The following RAPGEF2 variants were observed in gnomAD, a reference collection of about 807,000 sequenced individuals.
RAPGEF2 encodes the protein PDZ domain containing guanine nucleotide exchange factor (GEF) 1.
RAPGEF2 carries 54 observed loss-of-function variants against 186.7 expected under a neutral mutation model. The observed-to-expected ratio is 0.29, with a 90% CI of 0.23 to 0.36. RAPGEF2 has a LOEUF of 0.36. Among genes scored for constraint, RAPGEF2 ranks in the 10% least tolerant of loss-of-function variants. The probability of loss-of-function intolerance (pLI) is 1.00; values close to 1 mark genes in which losing one functional copy is unlikely to be tolerated. For synonymous variants in RAPGEF2, 712 were observed against 705.9 expected, an observed-to-expected ratio of 1.01 and a Z score of -0.14; for missense variants, 1,532 against 2,045.0, an observed-to-expected ratio of 0.75 and a Z score of 4.84.
At chr4:159,306,361 T>C (rs1763303945) in intron 8 of RAPGEF2, among the ~76,000 whole-genome samples, 3 of 152,154 alleles carry the variant, frequency 2.0e-5, no homozygotes, top group Admixed American at 2.0e-4. Flanking sequence ...TGGTCGAATA[T>C]ATTCTAGGTA....
intron 1 of RAPGEF2, among the ~76,000 whole-genome samples, chr4:159,121,167 A>C (rs1194606033): frequency 2.0e-5 from 3 of 151,968 alleles, no homozygotes; most frequent in African/African-American, 4.8e-5. Flanking sequence ...TTTGAAGCTC[A>C]TGCTCAACCT....
chr4:159,186,444 A>G (rs1747565262), intron 1 of RAPGEF2, among the ~76,000 whole-genome samples, 198 bp from the exon 2 acceptor site: 1 of 152,106 alleles, frequency 6.6e-6, no homozygotes, highest in Non-Finnish European at 1.5e-5. Context: ...GGTTTAGTGC[A>G]TATCCCAGAA....
intron 1 of RAPGEF2, among the ~76,000 whole-genome samples, chr4:159,167,872 T>C (rs78723325): frequency 0.01 from 1,598 of 152,336 alleles, 36 homozygotes; most frequent in African/African-American, 0.036. Flanking sequence ...ACCAAAGGAA[T>C]GTACCTGTTT....
chr4:159,337,362 T>G (rs911680718), intron 17 of RAPGEF2, among the ~76,000 whole-genome samples: 16 of 152,232 alleles, frequency 1.1e-4, no homozygotes, highest in Admixed American at 7.2e-4. Flanking sequence ...TAGGACACTT[T>G]GGATTTTTTT....
chr4:159,343,018 C>T lies in RAPGEF2; in HGVS notation c.2958C>T (p.Thr986=). ...CACCAGTGGCAAGACTGCGAACGAC[C>T]TGGGAGAAACTTCCCAATAAATACG... ...NLAPVARLRT[T]WEKLPNKYEK... is the part of the protein sequence containing the mutation. The change falls in exon 21 of 30, where the codon ACC becomes ACT. Residue 986 remains threonine (T), a synonymous_variant. Coordinates refer to ENST00000691494, the MANE Select transcript of RAPGEF2 (RefSeq NM_001394067.2). The T allele has an allele frequency of 6.2e-7, 1 of 1,614,024 alleles. No individual in the cohort carries two copies. The highest frequency in any genetic ancestry group is 8.5e-7 in the Non-Finnish European group (1 of 1,179,958).
intron 1 of RAPGEF2, among the ~76,000 whole-genome samples, chr4:159,162,094 T>C (rs1744772993): frequency 6.6e-6 from 1 of 151,932 alleles, no homozygotes; most frequent in South Asian, 2.1e-4. Flanking sequence ...GTTAAAAATC[T>C]GGAATCTTTG....
Position 159,332,479 on chromosome 4 carries a change from A to G in RAPGEF2, c.1917A>G (p.Ser639=), listed in dbSNP as rs1766824969. Residue 639 remains serine, a synonymous_variant, in exon 17 of 30, where the codon TCA becomes TCG. Coordinates refer to ENST00000691494, the MANE Select transcript of RAPGEF2 (RefSeq NM_001394067.2). The part of the protein sequence containing the change: ...FVFKELLTRL[S]EEKRNGAPHL... ...TTAAAGAACTTCTAACAAGATTGTC[A>G]GAAGAGAAAAGAAATGGTGCCCCCC... 6.2e-7 allele frequency: 1 copy of G among 1,613,464 alleles called. No homozygotes were observed. The highest frequency in any genetic ancestry group is 8.5e-7 in the Non-Finnish European group (1 of 1,179,646).
intron 7 of RAPGEF2, among the ~76,000 whole-genome samples, chr4:159,244,912 A>G (rs976192006): frequency 2.0e-5 from 3 of 151,990 alleles, no homozygotes; most frequent in Non-Finnish European, 4.4e-5. Flanking sequence ...TAAAATTTTA[A>G]GTTCACTAAA....
chr4:159,201,141 T>A (rs1749363840), intron 3 of RAPGEF2, among the ~76,000 whole-genome samples: 1 of 152,204 alleles, frequency 6.6e-6, no homozygotes. Flanking sequence ...CTTTGTGCCA[T>A]TTGACTATAC....
chr4:159,233,793 GAA>G (rs1213670555), intron 4 of RAPGEF2, among the ~76,000 whole-genome samples: 1 of 151,478 alleles, frequency 6.6e-6, no homozygotes, highest in Non-Finnish European at 1.5e-5. Flanking sequence ...TATATATAAG[GAA>G]AAAAAGTCCT....
intron 14 of RAPGEF2, 40 bp from the exon 15 acceptor site, chr4:159,331,590 C>A: frequency 6.2e-7 from 1 of 1,610,722 alleles, no homozygotes; most frequent in South Asian, 1.1e-5. Context: ...TTTATTCAGC[C>A]TGTTCTTGAG....
chr4:159,348,483 G>T (rs1041262898), intron 25 of RAPGEF2, among the ~76,000 whole-genome samples: 2 of 152,086 alleles, frequency 1.3e-5, no homozygotes, highest in Non-Finnish European at 2.9e-5. Flanking sequence ...TATGGGGAGA[G>T]AATAAGAAAA....
chr4:159,152,934 A>T (rs1261466433), intron 1 of RAPGEF2, among the ~76,000 whole-genome samples: 1 of 152,122 alleles, frequency 6.6e-6, no homozygotes, highest in East Asian at 1.9e-4. Flanking sequence ...ATATATTTTA[A>T]AAGTGTTCTT....
chr4:159,218,306 C>T (rs1188829967), intron 4 of RAPGEF2, among the ~76,000 whole-genome samples: 4 of 152,122 alleles, frequency 2.6e-5, no homozygotes, highest in African/African-American at 9.7e-5. Context: ...GGAAAAACTA[C>T]AAATCATGTT....
chr4:159,111,797 T>C (rs928451492), intron 1 of RAPGEF2, among the ~76,000 whole-genome samples: 1 of 152,254 alleles, frequency 6.6e-6, no homozygotes, highest in Non-Finnish European at 1.5e-5. Context: ...TAAATGTAGA[T>C]TCACATACAA....
chr4:159,241,390 T>C, intron 6 of RAPGEF2, 22 bp downstream of exon 6: 1 of 1,289,418 alleles, frequency 7.8e-7, no homozygotes. Flanking sequence ...AAGTATAATA[T>C]TTTTATTTAT....
chr4:159,322,916 C>T (rs1765429817), intron 10 of RAPGEF2, among the ~76,000 whole-genome samples: 2 of 152,174 alleles, frequency 1.3e-5, no homozygotes, highest in African/African-American at 4.8e-5. Flanking sequence ...CCACCAGATC[C>T]TTCCCACAAC....
At chr4:159,287,280 G>A (rs930125136) in intron 7 of RAPGEF2, among the ~76,000 whole-genome samples, 7 of 152,064 alleles carry the variant, frequency 4.6e-5, no homozygotes, top group African/African-American at 1.4e-4. Flanking sequence ...CTATTGTTAT[G>A]TCATGTGATT....
chr4:159,304,402 G>C lies in RAPGEF2; in HGVS notation c.604G>C (p.Val202Leu). Reference protein sequence around the residue: ...TDSLHPQVTHVSSSHSGCSIT... With the variant: ...TDSLHPQVTHLSSSHSGCSIT... The stretch of plus-strand genomic sequence containing the variant: ...CAGTCTCCACCCACAGGTGACCCAC[G>C]TTTCTTCTAGCCATTCAGGATGTAG... The change falls in exon 8 of 30, where the codon GTT becomes CTT. Residue 202 changes from valine (V) to leucine (L), a missense_variant. Physicochemically the swap from Val to Leu is conservative, Grantham distance 32. This residue lies in a region of RAPGEF2 where 810 missense variants were observed against 1,210.5 expected (regional missense o/e 0.67). Transcript: ENST00000691494. 1.2e-6 allele frequency: 2 copies of C among 1,601,870 alleles called. No homozygotes were observed. Among genetic ancestry groups the C allele is most frequent in the Non-Finnish European group, 1.7e-6 (2 of 1,169,362 alleles).
Sources: gnomAD v4.1 joint callset for allele counts (sites outside exome capture counted in the v4.1 genomes callset) on GRCh38, gnomAD v4.1.1 for gene constraint, gnomAD v4.1.1 regional missense constraint, MANE v1.5 for transcripts, NCBI Gene and HGNC (gene_info 2026-07-23, HGNC 2026-07-21) for gene names.